FGF9: variants seen among roughly 807,000 people sequenced by gnomAD.
FGF9 encodes fibroblast growth factor 9 (glia-activating factor).
In FGF9, 3 loss-of-function variants were observed where a neutral mutation model predicts 19.9. The observed-to-expected ratio is 0.15, with a 90% CI of 0.07 to 0.39. The LOEUF is 0.39. FGF9 is among the 10% of genes least tolerant of loss of function. FGF9 has a pLI of 1.00. For synonymous variants in FGF9, 107 were observed against 106.9 expected (o/e 1.00, Z -0.01); for missense variants, 175 against 256.8 (o/e 0.68, Z 2.18).
chr13:21,688,989 A>T (rs1872224220), intron 2 of FGF9, among the ~76,000 whole-genome samples: 1 of 152,174 alleles, frequency 6.6e-6, no homozygotes, highest in African/African-American at 2.4e-5. Context: ...TTGGGAAAGG[A>T]TTATTTTAAA....
chr13:21,702,915 T>A lies in FGF9; in HGVS notation c.*1480T>A, dbSNP rs1872579562. 1 of 152,218 alleles carries A rather than the reference T, an allele frequency of 6.6e-6. No homozygotes were observed. The highest frequency in any genetic ancestry group is 2.4e-5 in the African/African-American group (1 of 41,460). The allele number at this position is 152,218 out of a possible 1,614,324, so 9.4% of individuals were successfully genotyped here. On this transcript the variant is annotated 3_prime_UTR_variant, in exon 3 of 3. Coordinates refer to ENST00000382353, the MANE Select transcript of FGF9 (RefSeq NM_002010.3). ...AAATGGTCTCCACAAGCGCTCAATT[T>A]TTTTAGAGGGGATATTACTATATAG...
chr13:21,680,340 G>T (rs1338985052), intron 1 of FGF9, among the ~76,000 whole-genome samples: 1 of 152,090 alleles, frequency 6.6e-6, no homozygotes, highest in East Asian at 1.9e-4. Flanking sequence ...TCTAGATAGA[G>T]TTAAAAAAAG....
At chr13:21,694,214 A>G (rs932495756) in intron 2 of FGF9, among the ~76,000 whole-genome samples, 1 of 152,184 alleles carries the variant, frequency 6.6e-6, no homozygotes, top group African/African-American at 2.4e-5. Flanking sequence ...TGCCTCTACT[A>G]GGGACACTCT....
At chr13:21,674,851 A>G (rs1395815343) in intron 1 of FGF9, among the ~76,000 whole-genome samples, 2 of 151,602 alleles carry the variant, frequency 1.3e-5, no homozygotes, top group East Asian at 2.0e-4. Flanking sequence ...GGAGAGGCGC[A>G]TTCTAGGGTG....
At chr13:21,674,526 G>A (rs1871857346) in intron 1 of FGF9, among the ~76,000 whole-genome samples, 1 of 151,870 alleles carries the variant, frequency 6.6e-6, no homozygotes, top group African/African-American at 2.4e-5. Flanking sequence ...GGAGCGCGGC[G>A]GGGGCGCACG....
intron 1 of FGF9, among the ~76,000 whole-genome samples, chr13:21,679,609 C>A (rs1358326653): frequency 2.0e-5 from 3 of 151,538 alleles, no homozygotes; most frequent in Non-Finnish European, 4.4e-5. Context: ...CTTTAATTTA[C>A]AATAAAAAGG....
chr13:21,687,345 A>G (rs761549926), intron 2 of FGF9, among the ~76,000 whole-genome samples: 8 of 152,176 alleles, frequency 5.3e-5, no homozygotes, highest in Middle Eastern at 3.2e-3. Context: ...AAAATCCTAT[A>G]TCGACTTAGG....
At position 21,691,611 on chromosome 13, in the gene FGF9, C is replaced by T. The variant is rs552527805; in HGVS notation, c.382-9579C>T. On this transcript the variant is annotated intron_variant, in intron 2 of 2. Coordinates refer to ENST00000382353, the MANE Select transcript of FGF9 (RefSeq NM_002010.3). This position sits in a 1 kb window ranked among gnomAD's most constrained non-coding sequence, Gnocchi z 4.2. ...CCCCTGTCAGCATCAGCAGCCCCTC[C>T]GGGGCTGTCGTTCAGCGTCCTGGCC... Among the ~76,000 whole-genome samples the T allele has an allele frequency of 4.5e-3, 681 of 152,330 alleles. 2 individuals are homozygous for T. The highest frequency in any genetic ancestry group is 7.3e-3 in the Non-Finnish European group (498 of 68,030).
chr13:21,674,087 TGA>T (rs2138126854), intron 1 of FGF9: 1 of 152,532 alleles, frequency 6.6e-6, no homozygotes, highest in Admixed American at 6.5e-5. Flanking sequence ...TCTTTGTGTG[TGA>T]GAGTGGGTCT....
intron 1 of FGF9, among the ~76,000 whole-genome samples, chr13:21,678,216 GAGAT>G (rs1593091474): frequency 1.3e-5 from 2 of 152,054 alleles, no homozygotes; most frequent in East Asian, 3.8e-4. Context: ...AAAAAGAAAC[GAGAT>G]AGATATCTTG....
At position 21,691,213 on chromosome 13, in the gene FGF9, A is replaced by G. The variant is rs1035813153; in HGVS notation, c.382-9977A>G. 1.5e-4 allele frequency among the ~76,000 whole-genome samples: 23 copies of G among 152,218 alleles called. No homozygotes were observed. Among genetic ancestry groups the G allele is most frequent in the African/African-American group, 5.5e-4 (23 of 41,452 alleles). On this transcript the variant is annotated intron_variant, in intron 2 of 2. Transcript: ENST00000382353. This position sits in a 1 kb window ranked among gnomAD's most constrained non-coding sequence, Gnocchi z 4.2. ...ATGTGGGTGATCTTAGAGCTGATTCAGGAAGAACTTGCAACTTCATTGAGG... is the reference window on the plus strand; with the variant it reads ...ATGTGGGTGATCTTAGAGCTGATTCGGGAAGAACTTGCAACTTCATTGAGG...
chr13:21,680,979 TG>T, intron 1 of FGF9, 62 bp from the exon 2 acceptor site: 1 of 1,275,716 alleles, frequency 7.8e-7, no homozygotes, highest in Non-Finnish European at 1.1e-6. Context: ...CCAGGGATGC[TG>T]GGACTCTAAG....
rs1871777564 is a variant in FGF9, at chr13:21,671,920, C to T, written c.8C>T (p.Pro3Leu). Residue 3 changes from proline (P) to leucine (L), a missense_variant, in exon 1 of 3, where the codon CCC (proline) becomes CTC (leucine). Pro to Leu is a moderately conservative substitution (Grantham distance 98). This residue lies in a region of FGF9 where 69 missense variants were observed against 73.6 expected (regional missense o/e 0.94). Transcript: ENST00000382353. ...CAAAAGCCGAGTCCTCTGATGGCTC[C>T]CTTAGGTGAAGTTGGGAACTATTTC... MA[P>L]LGEVGNYFGV... 6.2e-7 allele frequency: 1 copy of T among 1,614,134 alleles called. No homozygotes were observed. The highest frequency in any genetic ancestry group is 1.1e-5 in the South Asian group (1 of 91,082).
At chr13:21,682,178 A>C (rs147252092) in intron 2 of FGF9, among the ~76,000 whole-genome samples, 15 of 151,784 alleles carry the variant, frequency 9.9e-5, no homozygotes, top group African/African-American at 2.9e-4. Flanking sequence ...GTAGTTAACG[A>C]AAATTTTTTT....
intron 2 of FGF9, among the ~76,000 whole-genome samples, chr13:21,698,862 A>C (rs966122641): frequency 6.6e-6 from 1 of 152,202 alleles, no homozygotes; most frequent in Non-Finnish European, 1.5e-5. Context: ...AAGCTCATCC[A>C]ATCCCATCTT....
rs377644613 is a variant in FGF9 at position 21,672,412 on chromosome 13, G to C, written c.277+223G>C. Among the ~76,000 whole-genome samples, 3 of 152,088 alleles carry C rather than the reference G, an allele frequency of 2.0e-5. No homozygotes were observed. Among genetic ancestry groups the C allele is most frequent in the Non-Finnish European group, 4.4e-5 (3 of 68,034 alleles). On this transcript the variant is annotated intron_variant, in intron 1 of 2. Transcript: ENST00000382353. This position sits in a 1 kb window ranked among gnomAD's most constrained non-coding sequence, Gnocchi z 4.2. ...CACTGATGCAAGTATACACTGAAAGGCCCCCTACTTTTAATTTAAAGGGGG... is the reference window on the plus strand; with the variant it reads ...CACTGATGCAAGTATACACTGAAAGCCCCCCTACTTTTAATTTAAAGGGGG...
chr13:21,696,649 A>G (rs12870202), intron 2 of FGF9, among the ~76,000 whole-genome samples: 53,769 of 152,106 alleles, frequency 0.35, 11,702 homozygotes, highest in East Asian at 0.56. Flanking sequence ...CCGCACATCT[A>G]TATAAGAATA....
At chr13:21,699,162 G>A (rs1872482663) in intron 2 of FGF9, among the ~76,000 whole-genome samples, 1 of 152,200 alleles carries the variant, frequency 6.6e-6, no homozygotes, top group Non-Finnish European at 1.5e-5. Flanking sequence ...ATGCAGAGGA[G>A]GGTGCAGGAG....
chr13:21,700,172 C>T (rs1250413017), intron 2 of FGF9, among the ~76,000 whole-genome samples: 1 of 152,074 alleles, frequency 6.6e-6, no homozygotes, highest in East Asian at 1.9e-4. Context: ...TGGGAAGATG[C>T]AGAAGCTTTG....
Sources: gnomAD v4.1 joint callset for allele counts (sites outside exome capture counted in the v4.1 genomes callset) on GRCh38, gnomAD v4.1.1 for gene constraint, gnomAD v4.1.1 regional missense constraint, Gnocchi (gnomAD v3.1) non-coding constraint, MANE v1.5 for transcripts, NCBI Gene and HGNC (gene_info 2026-07-23, HGNC 2026-07-21) for gene names.